The following FBN2 variants were observed in gnomAD, a reference collection of about 807,000 sequenced individuals.
FBN2 encodes the protein fibrillin-2.
Under a neutral mutation model 355.6 loss-of-function variants are expected in FBN2, and 105 were observed. The observed-to-expected ratio is 0.30, with a 90% confidence interval of 0.25 to 0.35. The LOEUF (loss-of-function observed/expected upper bound fraction) is 0.35. Among genes scored for constraint, FBN2 ranks in the 10% least tolerant of loss-of-function variants. The probability of loss-of-function intolerance (pLI) is 1.00; values close to 1 mark genes in which losing one functional copy is unlikely to be tolerated. For synonymous variants in FBN2, 1,350 were observed against 1,301.2 expected, an observed-to-expected ratio of 1.04 and a Z score of -0.81; for missense variants, 3,280 against 3,758.7, an observed-to-expected ratio of 0.87 and a Z score of 3.33.
Position 128,537,543 on chromosome 5 carries a change from G to T in FBN2, c.61C>A (p.Leu21Ile). 3 of 1,596,800 alleles carry T rather than the reference G, an allele frequency of 1.9e-6. No individual in the cohort carries two copies. The highest frequency in any genetic ancestry group is 1.7e-6 in the Non-Finnish European group (2 of 1,174,036). The change falls in exon 1 of 65, where the codon CTC becomes ATC. Residue 21 changes from leucine (L) to isoleucine (I), a missense_variant. Leu to Ile is a conservative substitution (Grantham distance 5). Coordinates refer to ENST00000262464, the MANE Select transcript of FBN2 (RefSeq NM_001999.4). Reference protein sequence around the residue: ...LYFLWLGCVVLWAQGTAGQPQ... With the variant: ...LYFLWLGCVVIWAQGTAGQPQ... ...TGGCCGGCCGTGCCCTGCGCCCAGA[G>T]CACCACACAGCCCAGCCACAGGAAG... is the stretch of plus-strand genomic sequence containing the variant.
chr5:128,447,144 G>A (rs1244639677), intron 6 of FBN2, among the ~76,000 whole-genome samples: 2 of 152,248 alleles, frequency 1.3e-5, no homozygotes, highest in East Asian at 3.9e-4. Flanking sequence ...TGTGATGATT[G>A]CGTTAACGGC....
Position 128,391,914 on chromosome 5 carries a change from G to C in FBN2, c.1603+104C>G, listed in dbSNP as rs900716341. On this transcript the variant is annotated intron_variant, in intron 11 of 64. Coordinates refer to ENST00000262464, the MANE Select transcript of FBN2 (RefSeq NM_001999.4). ...AGAAGAGACAGTTTGGAAATTAGCT[G>C]TATTTCAAAAGACTTAAAAAAATCA... 31 of 1,034,588 alleles carry C rather than the reference G, an allele frequency of 3.0e-5. No individual in the cohort carries two copies. In the Admixed American group the frequency reaches 5.6e-4, roughly 19 times the overall value. The allele number at this position is 1,034,588 out of a possible 1,614,324, so 64.1% of individuals were successfully genotyped here. A position where few individuals can be genotyped will look rare whatever the true frequency, so the allele number is the denominator to read the frequency against.
chr5:128,345,123 T>C (rs1318993159), intron 24 of FBN2, among the ~76,000 whole-genome samples: 1 of 152,214 alleles, frequency 6.6e-6, no homozygotes, highest in Non-Finnish European at 1.5e-5. Flanking sequence ...ACATCTCCGG[T>C]TGCAGAGGAA....
At chr5:128,439,497 T>C (rs1019473544) in intron 7 of FBN2, among the ~76,000 whole-genome samples, 6 of 152,148 alleles carry the variant, frequency 3.9e-5, no homozygotes, top group Admixed American at 2.6e-4. Flanking sequence ...ACTCTGCTTA[T>C]ATAAATAAGG....
intron 5 of FBN2, among the ~76,000 whole-genome samples, chr5:128,469,954 G>A (rs1754812617): frequency 1.3e-5 from 2 of 152,186 alleles, no homozygotes; most frequent in Non-Finnish European, 2.9e-5. Flanking sequence ...TATATGGATT[G>A]AAGATGCACA....
intron 29 of FBN2, 42 bp from the exon 30 acceptor site, chr5:128,335,337 G>T: frequency 6.2e-7 from 1 of 1,613,234 alleles, no homozygotes; most frequent in Non-Finnish European, 8.5e-7. Context: ...TAAAAATGTC[G>T]TTCATCAATC....
intron 34 of FBN2, among the ~76,000 whole-genome samples, chr5:128,319,850 A>T (rs973130602): frequency 1.3e-5 from 2 of 152,222 alleles, no homozygotes; most frequent in Non-Finnish European, 2.9e-5. Flanking sequence ...TTCTACTCTC[A>T]AAAAGAGGAT....
intron 30 of FBN2, 28 bp from the exon 31 acceptor site, chr5:128,334,872 T>C (rs1750793835): frequency 2.5e-6 from 4 of 1,581,626 alleles, no homozygotes; most frequent in East Asian, 2.2e-5. Context: ...AATATCTTAG[T>C]ATGTGCTCAT....
intron 11 of FBN2, among the ~76,000 whole-genome samples, chr5:128,383,602 AC>A (rs1199203233): frequency 6.6e-6 from 1 of 152,076 alleles, no homozygotes; most frequent in African/African-American, 2.4e-5. Flanking sequence ...TAAACAAAGA[AC>A]CCTCAAAACT....
intron 35 of FBN2, among the ~76,000 whole-genome samples, 178 bp from the exon 36 acceptor site, chr5:128,318,449 A>G (rs1581212300): frequency 6.6e-6 from 1 of 152,216 alleles, no homozygotes; most frequent in Non-Finnish European, 1.5e-5. Context: ...GGTTCCATAC[A>G]TCAAGGACAG....
chr5:128,485,406 GA>G (rs1367098011), intron 5 of FBN2, among the ~76,000 whole-genome samples: 1 of 152,160 alleles, frequency 6.6e-6, no homozygotes. Context: ...GTCTATTAGT[GA>G]AAGAATGAAT....
intron 6 of FBN2, among the ~76,000 whole-genome samples, chr5:128,464,054 T>A (rs997417527): frequency 6.6e-6 from 1 of 152,202 alleles, no homozygotes; most frequent in African/African-American, 2.4e-5. Context: ...TTGCGGCAGC[T>A]GAAAATTAAT....
chr5:128,295,365 C>T (rs1032286963), intron 48 of FBN2, among the ~76,000 whole-genome samples: 9 of 151,266 alleles, frequency 5.9e-5, no homozygotes, highest in African/African-American at 2.2e-4. Context: ...TTTTCCAATT[C>T]TGTGAAGAAA....
chr5:128,522,080 C>T (rs139508971), intron 4 of FBN2, among the ~76,000 whole-genome samples: 1,855 of 152,106 alleles, frequency 0.012, 43 homozygotes, highest in African/African-American at 0.042. Flanking sequence ...TGAAGGAACT[C>T]ATATAAACAA....
chr5:128,303,130 A>T, intron 45 of FBN2, 41 bp from the exon 46 acceptor site: 1 of 1,200,106 alleles, frequency 8.3e-7, no homozygotes, highest in East Asian at 2.3e-5. Flanking sequence ...ATTTTTAACT[A>T]GAAAAAAATG....
intron 8 of FBN2, 64 bp downstream of exon 8, chr5:128,408,610 C>T: frequency 6.3e-7 from 1 of 1,591,236 alleles, no homozygotes; most frequent in Non-Finnish European, 8.6e-7. Context: ...ATCTTCATAC[C>T]TGTTTGGGCT....
In FBN2 at chr5:128,311,421, A is replaced by G; in HGVS notation, c.4953T>C (p.Ile1651=). Residue 1651 remains isoleucine (I), a synonymous_variant, in exon 39 of 65, where the codon ATT becomes ATC. Transcript: ENST00000262464. ...GACCTGGTAACTCCTGGCATTCGTC[A>G]ATGTCTACAAAAAGGGAGACAGTGC... ...PNPITIILED[I]DECQELPGLC... The G allele has an allele frequency of 6.2e-7, 1 of 1,614,136 alleles. No individual in the cohort carries two copies. The highest frequency in any genetic ancestry group is 1.1e-5 in the South Asian group (1 of 91,080).
At chr5:128,449,397 ACTG>A (rs1754164965) in intron 6 of FBN2, among the ~76,000 whole-genome samples, 1 of 99,106 alleles carries the variant, frequency 1.0e-5, no homozygotes, top group Admixed American at 9.5e-5. Flanking sequence ...ATAATAGTAT[ACTG>A]TATAATTATA....
chr5:128,301,276 T>A, intron 47 of FBN2, 106 bp downstream of exon 47: 2 of 1,063,334 alleles, frequency 1.9e-6, no homozygotes, highest in Non-Finnish European at 2.9e-6. Flanking sequence ...TGTGCTCTGA[T>A]GATTAAATGA....
Sources: allele counts gnomAD v4.1 joint callset (sites outside exome capture counted in the v4.1 genomes callset), GRCh38; gene constraint gnomAD v4.1.1; transcripts MANE v1.5; gene names NCBI Gene and HGNC (gene_info 2026-07-23, HGNC 2026-07-21).